The following NAB1 variants were observed in gnomAD, a reference collection of about 807,000 sequenced individuals.
NAB1 encodes the protein NGFI-A binding protein 1, also known as NGFI-A-binding protein 1.
NAB1 carries 25 observed loss-of-function variants against 49.9 expected under a neutral mutation model. The observed-to-expected ratio is 0.50, with a 90% confidence interval of 0.37 to 0.70. The LOEUF is 0.70. NAB1 is among the 30% of genes least tolerant of loss of function. NAB1 has a pLI of 0.00. For missense variants in NAB1, 489 were observed against 575.9 expected (o/e 0.85, Z 1.54); for synonymous variants, 198 against 215.6 (o/e 0.92, Z 0.71).
intron 6 of NAB1, 195 bp downstream of exon 6, chr2:190,673,347 A>G: frequency 1.7e-6 from 1 of 599,670 alleles, no homozygotes; most frequent in Non-Finnish European, 2.9e-6. Flanking sequence ...TTAGCAGACC[A>G]AGGAAAATTT....
intron 5 of NAB1, among the ~76,000 whole-genome samples, chr2:190,671,737 G>A (rs926066097): frequency 2.9e-4 from 41 of 140,852 alleles, no homozygotes; most frequent in South Asian, 9.3e-4. Flanking sequence ...CCGATTTTTA[G>A]CCATTTCCTC....
rs10202886 is a variant in NAB1 at position 190,669,238 on chromosome 2, T to C, written c.820-1088T>C. On this transcript the variant is annotated intron_variant, in intron 4 of 9. Transcript: ENST00000337386. The surrounding 1 kb of genome is among the most constrained non-coding windows in gnomAD (Gnocchi z 4.3). ...TAATTTTTCATTTAATATTTTTGGGTCCCAGTTGACCACAGGTAACTGAAA... is the reference window on the plus strand; with the variant it reads ...TAATTTTTCATTTAATATTTTTGGGCCCCAGTTGACCACAGGTAACTGAAA... 0.23 allele frequency among the ~76,000 whole-genome samples: 34,437 copies of C among 152,142 alleles called. 4,021 individuals are homozygous for C. Among genetic ancestry groups the C allele is most frequent in the Middle Eastern group, 0.25 (73 of 294 alleles).
intron 6 of NAB1, among the ~76,000 whole-genome samples, chr2:190,681,998 T>G (rs1197124043): frequency 6.6e-6 from 1 of 152,194 alleles, no homozygotes; most frequent in Non-Finnish European, 1.5e-5. Context: ...CTAATTTCTG[T>G]GAGGAGTCCT....
intron 4 of NAB1, among the ~76,000 whole-genome samples, chr2:190,660,987 A>C (rs1694196612): frequency 6.6e-6 from 1 of 151,706 alleles, no homozygotes; most frequent in African/African-American, 2.4e-5. Flanking sequence ...CTGTCACGCA[A>C]GCTAGAGTGC....
Position 190,649,253 on chromosome 2 carries a change from C to G in NAB1, c.-441C>G, listed in dbSNP as rs1693515368. Reference sequence around the variant, plus strand: ...CCCCTCGATGGGAGCGGGGGCGTCCCGGCTCCTGCAGCCGCCAGAGGAGGG... The same window carrying G: ...CCCCTCGATGGGAGCGGGGGCGTCCGGGCTCCTGCAGCCGCCAGAGGAGGG... On this transcript the variant is annotated 5_prime_UTR_variant, in exon 1 of 10. Coordinates refer to ENST00000337386, the MANE Select transcript of NAB1 (RefSeq NM_005966.4). The surrounding 1 kb of genome is among the most constrained non-coding windows in gnomAD (Gnocchi z 6.1). 6.6e-6 allele frequency: 1 copy of G among 152,028 alleles called. No homozygotes were observed. The highest frequency in any genetic ancestry group is 6.5e-5 in the Admixed American group (1 of 15,268). The allele number at this position is 152,028 out of a possible 1,614,324, so 9.4% of individuals were successfully genotyped here.
At chr2:190,660,813 G>A (rs1694185580) in intron 4 of NAB1, among the ~76,000 whole-genome samples, 1 of 152,084 alleles carries the variant, frequency 6.6e-6, no homozygotes, top group African/African-American at 2.4e-5. Flanking sequence ...GTGCTTCACA[G>A]TATACTCTGG....
intron 9 of NAB1, 73 bp downstream of exon 9, chr2:190,687,390 C>A: frequency 3.2e-6 from 2 of 624,066 alleles, no homozygotes; most frequent in African/African-American, 5.0e-5. Flanking sequence ...TATTTCCTCC[C>A]CCATCAAAAA....
chr2:190,690,398 A>T lies in NAB1; in HGVS notation c.*65A>T. 8.2e-7 allele frequency: 1 copy of T among 1,212,944 alleles called. No individual in the cohort carries two copies. The highest frequency in any genetic ancestry group is 1.2e-6 in the Non-Finnish European group (1 of 821,558). 75.1% of individuals were successfully genotyped at this position (1,212,944 alleles called of 1,614,324 possible). The stretch of plus-strand genomic sequence containing the variant: ...TTTAAGGATAATACTCCATCATAGA[A>T]ATAAGCCTTAATAACCAGTGTTGCC... On this transcript the variant is annotated 3_prime_UTR_variant, in exon 10 of 10. Transcript: ENST00000337386.
At chr2:190,658,098 C>A (rs1694023043) in intron 3 of NAB1, among the ~76,000 whole-genome samples, 1 of 152,200 alleles carries the variant, frequency 6.6e-6, no homozygotes. Context: ...TTTGCTGAGT[C>A]TTGTTCTGTC....
In NAB1 at chr2:190,689,689, A is replaced by G. The variant is rs888944023; in HGVS notation, c.1376-556A>G. ...AAATAGTGTTCATTATTTTATCCCT[A>G]TTTCCCCTACCTTAATATGTCATTG... On this transcript the variant is annotated intron_variant, in intron 9 of 9. Coordinates refer to ENST00000337386, the MANE Select transcript of NAB1 (RefSeq NM_005966.4). The surrounding 1 kb of genome is among the most constrained non-coding windows in gnomAD (Gnocchi z 4.3). 9.2e-5 allele frequency among the ~76,000 whole-genome samples: 14 copies of G among 152,140 alleles called. No homozygotes were observed. Among genetic ancestry groups the G allele is most frequent in the Admixed American group, 5.9e-4 (9 of 15,282 alleles).
chr2:190,690,581 T>C lies in NAB1; in HGVS notation c.*248T>C. On this transcript the variant is annotated 3_prime_UTR_variant, in exon 10 of 10. Transcript: ENST00000337386. Reference sequence around the variant, plus strand: ...TCATTCACATTCCTGTGTTAAGTCATTTTATATGGAAAGGCTTACAAATCA... The same window carrying C: ...TCATTCACATTCCTGTGTTAAGTCACTTTATATGGAAAGGCTTACAAATCA... 1 of 365,000 alleles carries C rather than the reference T, an allele frequency of 2.7e-6. No homozygotes were observed. The highest frequency in any genetic ancestry group is 5.0e-6 in the Non-Finnish European group (1 of 200,200). 22.6% of individuals were successfully genotyped at this position (365,000 alleles called of 1,614,324 possible). A position where few individuals can be genotyped will look rare whatever the true frequency, so the allele number is the denominator to read the frequency against.
In NAB1 at chr2:190,676,361, T is replaced by A. The variant is rs1235110728; in HGVS notation, c.1005+3209T>A. Among the ~76,000 whole-genome samples the A allele has an allele frequency of 6.6e-6, 1 of 152,232 alleles. No individual in the cohort carries two copies. Among genetic ancestry groups the A allele is most frequent in the Non-Finnish European group, 1.5e-5 (1 of 68,046 alleles). On this transcript the variant is annotated intron_variant, in intron 6 of 9. Transcript: ENST00000337386. This position sits in a 1 kb window ranked among gnomAD's most constrained non-coding sequence, Gnocchi z 4.6. ...AACTAGAAAGAATTTAGAATTCTTTTAACATACTTTTTCTCTTATTTCATT... is the reference window on the plus strand; with the variant it reads ...AACTAGAAAGAATTTAGAATTCTTTAAACATACTTTTTCTCTTATTTCATT...
At position 190,659,776 on chromosome 2, in the gene NAB1, T is replaced by C; in HGVS notation, c.600T>C (p.Ala200=). ...ALDAAAALSV[A]ECVERMAPTL... is the part of the protein sequence containing the mutation. ...ATGCTGCTGCTGCGCTCTCTGTGGC[T>C]GAGTGTGTGGAGCGGATGGCCCCCA... Residue 200 remains alanine, a synonymous_variant, in exon 4 of 10, where the codon GCT becomes GCC. Coordinates refer to ENST00000337386, the MANE Select transcript of NAB1 (RefSeq NM_005966.4). This position sits in a 1 kb window ranked among gnomAD's most constrained non-coding sequence, Gnocchi z 6.2. The C allele has an allele frequency of 1.9e-6, 3 of 1,614,104 alleles. No individual in the cohort carries two copies. Among genetic ancestry groups the C allele is most frequent in the Non-Finnish European group, 2.5e-6 (3 of 1,179,988 alleles).
At chr2:190,664,453 C>G (rs913586850) in intron 4 of NAB1, among the ~76,000 whole-genome samples, 1 of 151,762 alleles carries the variant, frequency 6.6e-6, no homozygotes, top group African/African-American at 2.4e-5. Flanking sequence ...AGGTGATTCT[C>G]CCACTCAGCC....
rs191774044 is a variant in NAB1, at chr2:190,659,722, G to A, written c.546G>A (p.Ala182=). The A allele has an allele frequency of 3.3e-5, 53 of 1,613,804 alleles. No homozygotes were observed. Among genetic ancestry groups the A allele is most frequent in the Middle Eastern group, 1.7e-4 (1 of 6,010 alleles). Residue 182 remains alanine (A), a synonymous_variant, in exon 4 of 10, where the codon GCG becomes GCA. Transcript: ENST00000337386. This position sits in a 1 kb window ranked among gnomAD's most constrained non-coding sequence, Gnocchi z 6.2. ...SLSPADLGSP[A]SPKESSEALD... ...CCCCAGCAGACCTGGGCTCCCCCGC[G>A]TCCCCAAAGGAGAGCAGTGAGGCGC...
Position 190,685,314 on chromosome 2 carries a change from T to G in NAB1, c.1096-162T>G, listed in dbSNP as rs1251804832. Among the ~76,000 whole-genome samples, 1 of 152,266 alleles carries G rather than the reference T, an allele frequency of 6.6e-6. No individual in the cohort carries two copies. Among genetic ancestry groups the G allele is most frequent in the Non-Finnish European group, 1.5e-5 (1 of 68,052 alleles). On this transcript the variant is annotated intron_variant, in intron 7 of 9. Transcript: ENST00000337386. This position sits in a 1 kb window ranked among gnomAD's most constrained non-coding sequence, Gnocchi z 4.5. ...CCTTTTATGTTTTAACATGATGATA[T>G]AGACATCTATGCATATTTATGGAAT...
In NAB1 at chr2:190,670,441, A is replaced by G. The variant is rs1282089460; in HGVS notation, c.935A>G (p.Tyr312Cys). The G allele has an allele frequency of 2.5e-6, 4 of 1,613,854 alleles. No homozygotes were observed. The highest frequency in any genetic ancestry group is 1.7e-5 in the Admixed American group (1 of 59,968). The change falls in exon 5 of 10, where the codon TAT (tyrosine) becomes TGT (cysteine). Residue 312 changes from tyrosine (Y) to cysteine (C), a missense_variant. By Grantham distance (194) the Tyr-to-Cys change is radical. Coordinates refer to ENST00000337386, the MANE Select transcript of NAB1 (RefSeq NM_005966.4). The surrounding 1 kb of genome is among the most constrained non-coding windows in gnomAD (Gnocchi z 5.3). ...ATTTCTCGAGAAGTCACCTATAAAT[A>G]TACTTACAGAACCACCAAGTAAGTA... is the stretch of plus-strand genomic sequence containing the variant. ...RQISREVTYK[Y>C]TYRTTKSKCG... is the part of the protein sequence containing the mutation.
At chr2:190,683,880 T>C (rs1695478593) in intron 7 of NAB1, 53 bp downstream of exon 7, 3 of 1,369,634 alleles carry the variant, frequency 2.2e-6, no homozygotes, top group South Asian at 2.5e-5. Flanking sequence ...GGTTAAAAAA[T>C]AAATGACTAC....
chr2:190,658,993 G>T, intron 3 of NAB1, 165 bp from the exon 4 acceptor site: 1 of 554,134 alleles, frequency 1.8e-6, no homozygotes. Flanking sequence ...AGGTTTTTAG[G>T]AGTTCAGAAT....
Sources: gnomAD v4.1 joint callset for allele counts (sites outside exome capture counted in the v4.1 genomes callset) on GRCh38, gnomAD v4.1.1 for gene constraint, Gnocchi (gnomAD v3.1) non-coding constraint, MANE v1.5 for transcripts, NCBI Gene and HGNC (gene_info 2026-07-23, HGNC 2026-07-21) for gene names.